PHF21B: variants seen among roughly 807,000 people sequenced by gnomAD.
PHF21B encodes PHD finger protein 21B.
In PHF21B, 22 loss-of-function variants were observed where a neutral mutation model predicts 62.2. That is an observed-to-expected ratio of 0.35 (90% confidence interval 0.25 to 0.51). The LOEUF is 0.51. Ranked by LOEUF, PHF21B falls within the 20% of genes least tolerant of loss-of-function variation. PHF21B has a pLI of 0.97. For missense variants in PHF21B, 701 were observed against 707.9 expected (o/e 0.99, Z 0.11); for synonymous variants, 341 against 314.7 (o/e 1.08, Z -0.88).
At chr22:44,981,427 T>A (rs1362141385) in intron 2 of PHF21B, among the ~76,000 whole-genome samples, 1 of 152,238 alleles carries the variant, frequency 6.6e-6, no homozygotes, top group Non-Finnish European at 1.5e-5. Context: ...GATCTGGCTA[T>A]GGTCTTGAAG....
intron 2 of PHF21B, among the ~76,000 whole-genome samples, chr22:45,007,558 G>T (rs1477009099): frequency 2.7e-5 from 2 of 73,550 alleles, no homozygotes; most frequent in East Asian, 4.6e-4. Context: ...CGGGGGCGGG[G>T]CGCGAAGGAG....
In PHF21B at chr22:45,009,168, C is replaced by T. The variant is rs2073380621; in HGVS notation, c.54+328G>A. ...GGGAGGCCGGAAGGGGGCCTATTCGCACTCCCCTCCCCGGGACCGGCTCAC... is the reference window on the plus strand; with the variant it reads ...GGGAGGCCGGAAGGGGGCCTATTCGTACTCCCCTCCCCGGGACCGGCTCAC... On this transcript the variant is annotated intron_variant, in intron 1 of 12. Coordinates refer to ENST00000313237, the MANE Select transcript of PHF21B (RefSeq NM_138415.5). This position sits in a 1 kb window ranked among gnomAD's most constrained non-coding sequence, Gnocchi z 5.9. 6.7e-6 allele frequency: 3 copies of T among 449,648 alleles called. No homozygotes were observed. The highest frequency in any genetic ancestry group is 1.0e-5 in the Non-Finnish European group (3 of 288,376). 27.9% of individuals were successfully genotyped at this position (449,648 alleles called of 1,614,324 possible).
chr22:44,930,551 C>T (rs188817502), intron 2 of PHF21B, among the ~76,000 whole-genome samples: 6 of 83,642 alleles, frequency 7.2e-5, no homozygotes, highest in Non-Finnish European at 1.4e-4. Flanking sequence ...AGTCGGGAGG[C>T]GGGACAGGAG....
chr22:44,889,610 G>T, intron 9 of PHF21B, 150 bp downstream of exon 9: 3 of 948,046 alleles, frequency 3.2e-6, no homozygotes, highest in Non-Finnish European at 4.7e-6. Context: ...GCTGAGTGTT[G>T]CACAAAGCTC....
intron 2 of PHF21B, among the ~76,000 whole-genome samples, chr22:44,942,388 A>T (rs1298448467): frequency 1.3e-5 from 2 of 152,170 alleles, no homozygotes; most frequent in Admixed American, 6.5e-5. Context: ...GGGACAAGAG[A>T]ATAACTGCAG....
At chr22:44,954,806 G>T (rs774733465) in intron 2 of PHF21B, among the ~76,000 whole-genome samples, 1 of 152,252 alleles carries the variant, frequency 6.6e-6, no homozygotes, top group African/African-American at 2.4e-5. Context: ...TAACCGAGGA[G>T]TGGTCTGGCC....
intron 2 of PHF21B, among the ~76,000 whole-genome samples, chr22:44,996,422 C>A (rs936106880): frequency 6.6e-6 from 1 of 152,052 alleles, no homozygotes. Flanking sequence ...CAGTTCTAGC[C>A]CCAGACAGCT....
chr22:44,975,807 A>G (rs2072727698), intron 2 of PHF21B, among the ~76,000 whole-genome samples: 1 of 152,228 alleles, frequency 6.6e-6, no homozygotes, highest in African/African-American at 2.4e-5. Flanking sequence ...CAACTCGCCC[A>G]GGAGAGGGCG....
At chr22:44,911,255 A>T (rs2071339195) in intron 5 of PHF21B, among the ~76,000 whole-genome samples, 1 of 152,220 alleles carries the variant, frequency 6.6e-6, no homozygotes, top group Non-Finnish European at 1.5e-5. Flanking sequence ...AATGCGATAG[A>T]AAAGAAAAAT....
chr22:44,979,963 G>T (rs1211455710), intron 2 of PHF21B, among the ~76,000 whole-genome samples: 1 of 150,168 alleles, frequency 6.7e-6, no homozygotes, highest in African/African-American at 2.4e-5. Context: ...CAGCTACTCG[G>T]GAGGCTGAGG....
intron 2 of PHF21B, among the ~76,000 whole-genome samples, chr22:45,005,375 G>A (rs1165389080): frequency 6.6e-6 from 1 of 151,458 alleles, no homozygotes. Context: ...TTTTTTTTTA[G>A]TGGAAAATAT....
intron 2 of PHF21B, among the ~76,000 whole-genome samples, chr22:44,941,981 G>A (rs1311531090): frequency 1.3e-5 from 2 of 152,188 alleles, no homozygotes; most frequent in Non-Finnish European, 2.9e-5. Context: ...TCCCAGAGGA[G>A]ATGACAATGA....
chr22:44,933,029 A>G (rs2071771815), intron 2 of PHF21B, among the ~76,000 whole-genome samples: 1 of 152,228 alleles, frequency 6.6e-6, no homozygotes, highest in Non-Finnish European at 1.5e-5. Context: ...CAAGGAGAGC[A>G]GGTCCTGTCC....
At chr22:44,972,824 C>G (rs76730764) in intron 2 of PHF21B, among the ~76,000 whole-genome samples, 3,088 of 152,288 alleles carry the variant, frequency 0.02, 99 homozygotes, top group African/African-American at 0.07. Flanking sequence ...CCCCTACAGA[C>G]AGGGACTGTG....
At chr22:44,947,946 A>G (rs537356160) in intron 2 of PHF21B, among the ~76,000 whole-genome samples, 2 of 105,132 alleles carry the variant, frequency 1.9e-5, no homozygotes, top group African/African-American at 3.8e-5. Context: ...CGCTGAGTTC[A>G]GGATCCAGAG....
chr22:45,008,838 G>A, intron 1 of PHF21B: 1 of 1,184,502 alleles, frequency 8.4e-7, no homozygotes, highest in South Asian at 4.2e-5. Flanking sequence ...GCGGGGCGGG[G>A]GCCGAGGCCA....
At chr22:44,991,855 G>A (rs2073047283) in intron 2 of PHF21B, among the ~76,000 whole-genome samples, 1 of 152,270 alleles carries the variant, frequency 6.6e-6, no homozygotes, top group African/African-American at 2.4e-5. Flanking sequence ...AGGGGCTGCT[G>A]AGAACTCTTG....
intron 6 of PHF21B, among the ~76,000 whole-genome samples, chr22:44,895,217 G>A (rs148441253): frequency 2.1e-4 from 32 of 152,298 alleles, no homozygotes; most frequent in African/African-American, 7.2e-4. Context: ...CTGGGCAAGT[G>A]AATCAGCTTC....
At chr22:44,884,690 CATT>C (rs2070820836) in intron 12 of PHF21B, among the ~76,000 whole-genome samples, 1 of 151,760 alleles carries the variant, frequency 6.6e-6, no homozygotes, top group Non-Finnish European at 1.5e-5. Flanking sequence ...TCACCATCAT[CATT>C]ACAACCATCA....
Sources: gnomAD v4.1 joint callset for allele counts (sites outside exome capture counted in the v4.1 genomes callset) on GRCh38, gnomAD v4.1.1 for gene constraint, Gnocchi (gnomAD v3.1) non-coding constraint, MANE v1.5 for transcripts, NCBI Gene and HGNC (gene_info 2026-07-23, HGNC 2026-07-21) for gene names.